The following CDYL2 variants were observed in gnomAD, a reference collection of about 807,000 sequenced individuals.
CDYL2 encodes the protein chromodomain Y-like protein 2.
A neutral mutation model predicts 49.4 loss-of-function variants in CDYL2; 23 were observed. The ratio of observed to expected loss-of-function variants is 0.47; its 90% CI spans 0.34 to 0.66. The LOEUF is 0.66. Among genes scored for constraint, CDYL2 ranks in the 30% least tolerant of loss-of-function variants. The pLI, the probability that CDYL2 is intolerant of heterozygous loss-of-function variation, is 0.01. For missense variants in CDYL2, 678 were observed against 656.4 expected, an observed-to-expected ratio of 1.03 and a Z score of -0.36; for synonymous variants, 360 against 268.8, an observed-to-expected ratio of 1.34 and a Z score of -3.32.
chr16:80,657,107 A>T (rs1175829961), intron 2 of CDYL2, among the ~76,000 whole-genome samples: 1 of 152,162 alleles, frequency 6.6e-6, no homozygotes, highest in Non-Finnish European at 1.5e-5. Flanking sequence ...AAATACCAAA[A>T]CTTGTAGACA....
rs1905949348 is a variant in CDYL2, at chr16:80,598,768, A to T, written c.*5620T>A. The T allele has an allele frequency of 2.6e-5, 4 of 152,260 alleles. No individual in the cohort carries two copies. Among genetic ancestry groups the T allele is most frequent in the African/African-American group, 4.8e-5 (2 of 41,538 alleles). The allele number at this position is 152,260 out of a possible 1,614,324, so 9.4% of individuals were successfully genotyped here. On this transcript the variant is annotated 3_prime_UTR_variant, in exon 7 of 7. Transcript: ENST00000570137. ...CAGAGCCTTTTCAATATGACAACGA[A>T]TCCCTCTGTATGGCCAGCCAGGGGG...
intron 2 of CDYL2, among the ~76,000 whole-genome samples, chr16:80,633,704 T>G (rs1907679781): frequency 6.7e-6 from 1 of 150,224 alleles, no homozygotes; most frequent in African/African-American, 2.4e-5. Flanking sequence ...GAACCAGAGA[T>G]GGGGCTCTGG....
intron 4 of CDYL2, among the ~76,000 whole-genome samples, chr16:80,613,043 T>G (rs1906672825): frequency 6.6e-6 from 1 of 152,148 alleles, no homozygotes; most frequent in Non-Finnish European, 1.5e-5. Context: ...TGTCCTGGTT[T>G]GCTCAGATTG....
chr16:80,621,972 AC>A (rs944673030), intron 3 of CDYL2, among the ~76,000 whole-genome samples: 5 of 152,146 alleles, frequency 3.3e-5, no homozygotes, highest in African/African-American at 1.2e-4. Context: ...AGCCTCCCCA[AC>A]ACCAGTGAGT....
chr16:80,658,315 T>A lies in CDYL2; in HGVS notation c.617-25079A>T, dbSNP rs1597153504. 2.0e-5 allele frequency among the ~76,000 whole-genome samples: 3 copies of A among 151,824 alleles called. No homozygotes were observed. The East Asian group carries it at 5.8e-4, about 29-fold the overall frequency. Reference sequence around the variant, plus strand: ...AGATGGGGGGTGGAAATAAACTAAATGAAAAGAGAAAGAAATAAACCTAAT... The same window carrying A: ...AGATGGGGGGTGGAAATAAACTAAAAGAAAAGAGAAAGAAATAAACCTAAT... On this transcript the variant is annotated intron_variant, in intron 2 of 6. Coordinates refer to ENST00000570137, the MANE Select transcript of CDYL2 (RefSeq NM_152342.4).
chr16:80,688,779 T>C (rs1055434281), intron 1 of CDYL2, among the ~76,000 whole-genome samples: 3 of 152,338 alleles, frequency 2.0e-5, no homozygotes, highest in South Asian at 2.1e-4. Flanking sequence ...GTTCTGTTGA[T>C]AGAAAAAGCC....
chr16:80,755,798 T>G (rs1906291108), intron 1 of CDYL2, among the ~76,000 whole-genome samples: 1 of 152,196 alleles, frequency 6.6e-6, no homozygotes, highest in Non-Finnish European at 1.5e-5. Context: ...TTCTCCAATT[T>G]TATCAAACGT....
chr16:80,741,707 A>G (rs1905741612), intron 1 of CDYL2, among the ~76,000 whole-genome samples: 1 of 152,272 alleles, frequency 6.6e-6, no homozygotes, highest in Non-Finnish European at 1.5e-5. Flanking sequence ...ATTTAAATTC[A>G]CCAGTAATAA....
At chr16:80,669,450 G>A (rs965566278) in intron 2 of CDYL2, among the ~76,000 whole-genome samples, 4 of 152,042 alleles carry the variant, frequency 2.6e-5, no homozygotes, top group Admixed American at 2.6e-4. Flanking sequence ...CCACCTCACT[G>A]CCGTCTTGTG....
At chr16:80,617,091 C>A (rs1223282462) in intron 4 of CDYL2, among the ~76,000 whole-genome samples, 1 of 152,246 alleles carries the variant, frequency 6.6e-6, no homozygotes, top group Non-Finnish European at 1.5e-5. Flanking sequence ...AGACTCTTTT[C>A]AGGATGGATC....
rs1337135878 is a variant in CDYL2 at position 80,599,287 on chromosome 16, G to A, written c.*5101C>T. ...GTTGACTTTATAAATACATACCAGA[G>A]ATGAACCAAATAACTTGATTTTAGC... On this transcript the variant is annotated 3_prime_UTR_variant, in exon 7 of 7. Transcript: ENST00000570137. The A allele has an allele frequency of 8.5e-5, 13 of 152,194 alleles. No individual in the cohort carries two copies. In the South Asian group the frequency reaches 2.5e-3, roughly 29 times the overall value. 9.4% of individuals were successfully genotyped at this position (152,194 alleles called of 1,614,324 possible).
In CDYL2 at chr16:80,632,794, T is replaced by C. The variant is rs561260649; in HGVS notation, c.834+225A>G. The C allele has an allele frequency of 3.2e-4, 161 of 505,628 alleles. 1 individual carries two copies. The highest frequency in any genetic ancestry group is 3.0e-3 in the South Asian group (137 of 45,664). 31.3% of individuals were successfully genotyped at this position (505,628 alleles called of 1,614,324 possible). A position where few individuals can be genotyped will look rare whatever the true frequency, so the allele number is the denominator to read the frequency against. ...TCAGTTCAGTGAGTCCCTCTCCCCA[T>C]GGTCTTCATCCATAAGATGAGAGGG... On this transcript the variant is annotated intron_variant, in intron 3 of 6. Transcript: ENST00000570137.
intron 1 of CDYL2, among the ~76,000 whole-genome samples, chr16:80,734,247 G>C (rs1303304063): frequency 6.6e-6 from 1 of 152,162 alleles, no homozygotes; most frequent in African/African-American, 2.4e-5. Flanking sequence ...ATTCCTGGTT[G>C]GGGGCCGGGG....
intron 2 of CDYL2, among the ~76,000 whole-genome samples, chr16:80,657,151 T>C (rs2142428999): frequency 6.6e-6 from 1 of 152,300 alleles, no homozygotes; most frequent in African/African-American, 2.4e-5. Context: ...GCAAAATCAA[T>C]ACTCAAAACA....
intron 1 of CDYL2, among the ~76,000 whole-genome samples, chr16:80,705,030 G>A (rs149278708): frequency 1.3e-4 from 20 of 152,322 alleles, no homozygotes; most frequent in African/African-American, 4.8e-4. Flanking sequence ...CTCGTGGGCA[G>A]ATGCTCTGTT....
chr16:80,715,021 A>G lies in CDYL2; in HGVS notation c.25-29892T>C, dbSNP rs551688453. On this transcript the variant is annotated intron_variant, in intron 1 of 6. Coordinates refer to ENST00000570137, the MANE Select transcript of CDYL2 (RefSeq NM_152342.4). ...ACAGAATCCCCAGAGAGAAACATCA[A>G]CAGACACTGACAGGGTAACTAAGCT... Among the ~76,000 whole-genome samples, 192 of 152,274 alleles carry G rather than the reference A, an allele frequency of 1.3e-3. No individual in the cohort carries two copies. The Middle Eastern group carries it at 0.014, about 11-fold the overall frequency.
At chr16:80,661,292 C>A (rs1198666340) in intron 2 of CDYL2, among the ~76,000 whole-genome samples, 6 of 152,110 alleles carry the variant, frequency 3.9e-5, no homozygotes, top group Admixed American at 1.3e-4. Flanking sequence ...CAGGGTGGCT[C>A]CTTGATTATT....
chr16:80,699,729 G>A (rs575974884), intron 1 of CDYL2, among the ~76,000 whole-genome samples: 15 of 152,234 alleles, frequency 9.9e-5, no homozygotes, highest in African/African-American at 3.6e-4. Flanking sequence ...TAATTACCCT[G>A]ATTTGATCAT....
rs60917752 is a variant in CDYL2, at chr16:80,641,837, T to C, written c.617-8601A>G. On this transcript the variant is annotated intron_variant, in intron 2 of 6. Transcript: ENST00000570137. ...GGGTGCAGCACACCAACATGGCACA[T>C]GTATACATATGTAACAAACCTGCAC... Among the ~76,000 whole-genome samples the C allele has an allele frequency of 7.1e-3, 1,075 of 151,546 alleles. 11 individuals are homozygous for C. The highest frequency in any genetic ancestry group is 0.025 in the African/African-American group (1,033 of 41,210).
Sources: gnomAD v4.1 joint callset for allele counts (sites outside exome capture counted in the v4.1 genomes callset) on GRCh38, gnomAD v4.1.1 for gene constraint, MANE v1.5 for transcripts, NCBI Gene and HGNC (gene_info 2026-07-23, HGNC 2026-07-21) for gene names.